The following RGS9 variants were observed in gnomAD, a reference collection of about 807,000 sequenced individuals.
RGS9 encodes the protein regulator of G protein signaling 9, also known as regulator of G-protein signalling 9.
Under a neutral mutation model 102.0 loss-of-function variants are expected in RGS9, and 78 were observed. The observed-to-expected ratio is 0.76, with a 90% CI of 0.64 to 0.92. RGS9 has a LOEUF of 0.92. Among genes scored for constraint, RGS9 ranks in the 40% least tolerant of loss-of-function variants. The pLI is 0.00. For missense variants in RGS9, 833 were observed against 866.1 expected (o/e 0.96, Z 0.48); for synonymous variants, 353 against 318.6 (o/e 1.11, Z -1.15).
At chr17:65,177,662 A>C (rs528400756) in intron 8 of RGS9, 70 bp from the exon 9 acceptor site, 1 of 1,442,106 alleles carries the variant, frequency 6.9e-7, no homozygotes, top group African/African-American at 1.4e-5. Context: ...CAGATTAACC[A>C]AGACCCACAG....
intron 13 of RGS9, among the ~76,000 whole-genome samples, chr17:65,198,838 G>C (rs531910263): frequency 1.3e-5 from 2 of 152,344 alleles, no homozygotes; most frequent in South Asian, 4.1e-4. Context: ...AACATTACAT[G>C]ATAATATGGA....
chr17:65,172,243 T>A (rs1216554229), intron 8 of RGS9, among the ~76,000 whole-genome samples: 1 of 152,170 alleles, frequency 6.6e-6, no homozygotes, highest in Non-Finnish European at 1.5e-5. Flanking sequence ...TGAGACAGAG[T>A]CTCGCTCTGG....
intron 1 of RGS9, among the ~76,000 whole-genome samples, chr17:65,147,815 T>C (rs1910428022): frequency 6.6e-6 from 1 of 152,010 alleles, no homozygotes; most frequent in African/African-American, 2.4e-5. Flanking sequence ...GGTGTCGAAC[T>C]CCTGCCATCA....
intron 13 of RGS9, among the ~76,000 whole-genome samples, chr17:65,197,540 C>G (rs1370545906): frequency 6.6e-6 from 1 of 152,142 alleles, no homozygotes; most frequent in African/African-American, 2.4e-5. Context: ...CACTGTCACC[C>G]GAGGAGCCCC....
chr17:65,166,624 T>C (rs1432123824), intron 7 of RGS9, among the ~76,000 whole-genome samples: 2 of 152,198 alleles, frequency 1.3e-5, no homozygotes, highest in African/African-American at 4.8e-5. Flanking sequence ...TCTCTTGCAT[T>C]CCATTTATCA....
intron 9 of RGS9, among the ~76,000 whole-genome samples, chr17:65,183,811 C>A (rs976401193): frequency 6.6e-6 from 1 of 152,210 alleles, no homozygotes; most frequent in African/African-American, 2.4e-5. Context: ...TTATTTCTCC[C>A]CTGCACTCCT....
rs907919525 is a variant in RGS9 at position 65,156,411 on chromosome 17, G to A, written c.155-1884G>A. ...GCACACTTGGTTCCTGGATTTGGGC[G>A]AGGTCGCCCATCCTGCCATGGCTTC... On this transcript the variant is annotated intron_variant, in intron 2 of 18. Transcript: ENST00000262406. 5.3e-5 allele frequency among the ~76,000 whole-genome samples: 8 copies of A among 152,346 alleles called. 1 individual carries two copies. Among genetic ancestry groups the A allele is most frequent in the Middle Eastern group, 6.8e-3 (2 of 294 alleles).
chr17:65,175,615 C>T (rs551238787), intron 8 of RGS9, among the ~76,000 whole-genome samples: 1 of 152,134 alleles, frequency 6.6e-6, no homozygotes, highest in Non-Finnish European at 1.5e-5. Context: ...GCACAATGTC[C>T]GGCACATAAG....
chr17:65,183,096 CTAT>C (rs1428303107), intron 9 of RGS9, among the ~76,000 whole-genome samples: 40 of 151,468 alleles, frequency 2.6e-4, no homozygotes, highest in African/African-American at 9.2e-4. Flanking sequence ...ATCTATCTAT[CTAT>C]CTATCTATCT....
At chr17:65,147,341 C>T (rs1365306278) in intron 1 of RGS9, among the ~76,000 whole-genome samples, 2 of 152,156 alleles carry the variant, frequency 1.3e-5, no homozygotes, top group East Asian at 3.8e-4. Flanking sequence ...TGTACCTGCC[C>T]TTGGCCCATT....
intron 10 of RGS9, among the ~76,000 whole-genome samples, chr17:65,189,758 C>T (rs1389838866): frequency 2.0e-5 from 3 of 152,054 alleles, no homozygotes; most frequent in African/African-American, 4.8e-5. Context: ...GCTATCTGAA[C>T]GTGGAGGAAG....
At chr17:65,175,570 T>G (rs1911594364) in intron 8 of RGS9, among the ~76,000 whole-genome samples, 1 of 152,278 alleles carries the variant, frequency 6.6e-6, no homozygotes, top group African/African-American at 2.4e-5. Flanking sequence ...AGCAGTGGTC[T>G]CGGGGCACAC....
At chr17:65,137,707 G>A (rs986519402) in intron 1 of RGS9, 110 bp downstream of exon 1, 47 of 931,380 alleles carry the variant, frequency 5.0e-5, no homozygotes, top group Admixed American at 1.0e-4. Flanking sequence ...GGGTCGATTT[G>A]TGCTGCTCGA....
intron 9 of RGS9, chr17:65,188,784 T>C (rs1194401623): frequency 5.6e-6 from 1 of 178,832 alleles, no homozygotes. Flanking sequence ...GGCTAATTTT[T>C]TTGTACTTTT....
intron 16 of RGS9, 112 bp from the exon 17 acceptor site, chr17:65,210,376 A>C: frequency 1.5e-6 from 2 of 1,333,308 alleles, no homozygotes; most frequent in Non-Finnish European, 2.1e-6. Flanking sequence ...AAAGGAGGGA[A>C]CAAAATATAG....
Position 65,173,214 on chromosome 17 carries a change from G to C in RGS9, c.583-4518G>C, listed in dbSNP as rs965949626. On this transcript the variant is annotated intron_variant, in intron 8 of 18. Transcript: ENST00000262406. This position sits in a 1 kb window ranked among gnomAD's most constrained non-coding sequence, Gnocchi z 4.8. The stretch of plus-strand genomic sequence containing the variant: ...TGGGATTACAGGCATGAGCCACCGC[G>C]CCTGGCCTCATCTCTATTTCTTTCC... Among the ~76,000 whole-genome samples the C allele has an allele frequency of 2.6e-5, 4 of 152,198 alleles. No homozygotes were observed. Among genetic ancestry groups the C allele is most frequent in the African/African-American group, 9.6e-5 (4 of 41,526 alleles).
chr17:65,211,445 G>A (rs920435130), intron 17 of RGS9, among the ~76,000 whole-genome samples: 5 of 152,218 alleles, frequency 3.3e-5, no homozygotes, highest in Non-Finnish European at 5.9e-5. Flanking sequence ...AAGAACAAAG[G>A]CATTGATGTC....
intron 3 of RGS9, 46 bp downstream of exon 3, chr17:65,158,391 C>A: frequency 6.5e-7 from 1 of 1,543,282 alleles, no homozygotes; most frequent in Non-Finnish European, 9.0e-7. Context: ...GCTTTGTGTA[C>A]AGCACCATGG....
At chr17:65,203,234 C>A (rs922234166) in intron 14 of RGS9, among the ~76,000 whole-genome samples, 1 of 152,190 alleles carries the variant, frequency 6.6e-6, no homozygotes, top group Non-Finnish European at 1.5e-5. Context: ...ATTTGCCCAG[C>A]TCCTCCCACA....
Sources: gnomAD v4.1 joint callset for allele counts (sites outside exome capture counted in the v4.1 genomes callset) on GRCh38, gnomAD v4.1.1 for gene constraint, Gnocchi (gnomAD v3.1) non-coding constraint, MANE v1.5 for transcripts, NCBI Gene and HGNC (gene_info 2026-07-23, HGNC 2026-07-21) for gene names.